Variants in FRMPD4 observed in about 807,000 individuals in gnomAD.
FRMPD4 encodes the protein FERM and PDZ domain-containing protein 4.
FRMPD4 carries 22 observed loss-of-function variants against 94.1 expected under a neutral mutation model. The ratio of observed to expected loss-of-function variants is 0.23; its 90% CI spans 0.17 to 0.33. FRMPD4 has a LOEUF of 0.33. FRMPD4 is among the 10% of genes least tolerant of loss of function. The probability of loss-of-function intolerance (pLI) is 1.00; values close to 1 mark genes in which losing one functional copy is unlikely to be tolerated. For synonymous variants in FRMPD4, 631 were observed against 548.6 expected, an observed-to-expected ratio of 1.15 and a Z score of -2.10; for missense variants, 1,111 against 1,339.9, an observed-to-expected ratio of 0.83 and a Z score of 2.67.
At position 12,061,737 on chromosome X, in the gene FRMPD4, T is replaced by G. The variant is rs756532851; in HGVS notation, c.95+183719T>G. ...GAATAAATATGATTATAGGGGTATT[T>G]GCTTTTTAAAATCCATTTTAAAATA... is the stretch of plus-strand genomic sequence containing the variant. On this transcript the variant is annotated intron_variant, in intron 3 of 18. Transcript: ENST00000640291. Among the ~76,000 whole-genome samples the G allele has an allele frequency of 9.8e-5, 11 of 112,292 alleles. No homozygotes were observed. In the South Asian group the frequency reaches 4.1e-3, roughly 41 times the overall value.
intron 1 of FRMPD4, among the ~76,000 whole-genome samples, chrX:12,452,406 T>C (rs1303956954): frequency 8.9e-6 from 1 of 111,750 alleles, no homozygotes; most frequent in Non-Finnish European, 1.9e-5. Flanking sequence ...TGACATCTTT[T>C]TTTCCCAACA....
chrX:12,120,933 G>T (rs894798614), intron 3 of FRMPD4, among the ~76,000 whole-genome samples: 1 of 109,702 alleles, frequency 9.1e-6, no homozygotes, highest in African/African-American at 3.3e-5. Flanking sequence ...TGAATCCTGG[G>T]AGTCCTTTAA....
At chrX:12,470,409 C>T (rs2057497178) in intron 1 of FRMPD4, among the ~76,000 whole-genome samples, 1 of 111,810 alleles carries the variant, frequency 8.9e-6, no homozygotes, top group Admixed American at 9.5e-5. Flanking sequence ...GTATTTAAGA[C>T]CCAAATTTTA....
chrX:12,618,914 C>A, intron 4 of FRMPD4, among the ~76,000 whole-genome samples: 1 of 111,753 alleles, frequency 8.9e-6, no homozygotes, highest in Non-Finnish European at 1.9e-5. Context: ...GGGCAGCAGA[C>A]TCTAAGAATG....
In FRMPD4 at chrX:12,071,898, G is replaced by A. The variant is rs1486048035; in HGVS notation, c.95+193880G>A. ...AATGCACTTCCATGAACACTTTCTG[G>A]CCCCAGGAAACCTCAAACTTCCCTA... is the stretch of plus-strand genomic sequence containing the variant. On this transcript the variant is annotated intron_variant, in intron 3 of 18. Coordinates refer to the FRMPD4 transcript ENST00000640291. Among the ~76,000 whole-genome samples the A allele has an allele frequency of 4.5e-5, 5 of 111,603 alleles. No individual in the cohort carries two copies. The East Asian group carries it at 8.4e-4, about 19-fold the overall frequency.
rs754470820 is a variant in FRMPD4, at chrX:12,694,416, A to C, written c.895A>C (p.Arg299=). 3 of 1,197,254 alleles carry C rather than the reference A, an allele frequency of 2.5e-6. No individual in the cohort carries two copies. The East Asian group carries it at 8.9e-5, about 35-fold the overall frequency. ...CCCAAAAGATCCAATTGACCTTTTAAGGAGAGATCCAGTTGCTTTCGAGTA... is the reference window on the plus strand; with the variant it reads ...CCCAAAAGATCCAATTGACCTTTTACGGAGAGATCCAGTTGCTTTCGAGTA... The part of the protein sequence containing the change: ...FVPKDPIDLL[R]RDPVAFEYLY... Residue 299 remains arginine, a synonymous_variant, in exon 9 of 17, where the codon AGG becomes CGG. Transcript: ENST00000675598.
intron 1 of FRMPD4, among the ~76,000 whole-genome samples, chrX:12,413,436 A>G (rs749350272): frequency 1.8e-5 from 2 of 112,306 alleles, no homozygotes; most frequent in East Asian, 2.8e-4. Context: ...GACAAATATT[A>G]ACATCAACCC....
chrX:12,493,854 A>G (rs1016931139), intron 1 of FRMPD4, among the ~76,000 whole-genome samples: 1 of 112,391 alleles, frequency 8.9e-6, no homozygotes, highest in African/African-American at 3.2e-5. Context: ...GTACCATTTG[A>G]TGAGACTATT....
At chrX:11,837,275 A>T (rs1449256509) in intron 1 of FRMPD4, among the ~76,000 whole-genome samples, 2 of 111,751 alleles carry the variant, frequency 1.8e-5, no homozygotes, top group Non-Finnish European at 3.8e-5. Context: ...AAAGAATTGT[A>T]TTTCAGTACA....
chrX:12,525,189 T>C (rs1400287955), intron 2 of FRMPD4, among the ~76,000 whole-genome samples: 1 of 110,855 alleles, frequency 9.0e-6, no homozygotes, highest in Non-Finnish European at 1.9e-5. Context: ...AAAGTTCTGA[T>C]ACCAAAGACT....
intron 1 of FRMPD4, among the ~76,000 whole-genome samples, chrX:12,424,504 C>T (rs1279214664): frequency 8.9e-6 from 1 of 112,474 alleles, no homozygotes; most frequent in Non-Finnish European, 1.9e-5. Flanking sequence ...ATCTCTAGAG[C>T]AGTGCTTATC....
intron 1 of FRMPD4, among the ~76,000 whole-genome samples, chrX:12,290,430 T>C (rs1442825860): frequency 3.6e-5 from 4 of 112,530 alleles, no homozygotes; most frequent in African/African-American, 1.3e-4. Context: ...CCTCTGTCAC[T>C]TGGGATTTAA....
chrX:11,837,401 T>C (rs762719450), intron 1 of FRMPD4, among the ~76,000 whole-genome samples: 2 of 111,711 alleles, frequency 1.8e-5, no homozygotes, highest in South Asian at 7.4e-4. Context: ...ATTCAGTTTT[T>C]CCAAAAGCTG....
intron 1 of FRMPD4, among the ~76,000 whole-genome samples, chrX:12,332,929 G>A (rs1174083896): frequency 1.8e-5 from 2 of 111,719 alleles, no homozygotes; most frequent in Non-Finnish European, 3.8e-5. Flanking sequence ...TAAGCTCCCT[G>A]TTTTATATGG....
chrX:11,998,187 C>T (rs189981119), intron 3 of FRMPD4, among the ~76,000 whole-genome samples: 254 of 111,803 alleles, frequency 2.3e-3, no homozygotes, highest in Non-Finnish European at 2.9e-3. Context: ...TGCAAGGCCG[C>T]AATCAATGTT....
At chrX:12,474,448 A>C (rs1224474029) in intron 1 of FRMPD4, among the ~76,000 whole-genome samples, 2 of 111,675 alleles carry the variant, frequency 1.8e-5, no homozygotes, top group Non-Finnish European at 3.8e-5. Context: ...GAAGGCAAGA[A>C]ATAACTAAGA....
chrX:12,211,511 T>C lies in FRMPD4; in HGVS notation c.41+72499T>C, dbSNP rs894825731. Among the ~76,000 whole-genome samples the C allele has an allele frequency of 2.0e-4, 22 of 112,296 alleles. 1 individual carries two copies. The highest frequency in any genetic ancestry group is 6.8e-4 in the African/African-American group (21 of 30,965). ...CAAAAATCCTAGTTTTTCATGTGTTTTGAAGTTCAGTATGGAAATCTTATT... is the reference window on the plus strand; with the variant it reads ...CAAAAATCCTAGTTTTTCATGTGTTCTGAAGTTCAGTATGGAAATCTTATT... On this transcript the variant is annotated intron_variant, in intron 1 of 16. Transcript: ENST00000675598.
intron 1 of FRMPD4, among the ~76,000 whole-genome samples, chrX:11,849,622 A>G (rs900438558): frequency 9.0e-6 from 1 of 110,534 alleles, no homozygotes; most frequent in Non-Finnish European, 1.9e-5. Context: ...CTCACATAAC[A>G]TGGTCAAATG....
chrX:11,951,509 C>T (rs369900139), intron 3 of FRMPD4, among the ~76,000 whole-genome samples: 9 of 111,860 alleles, frequency 8.0e-5, no homozygotes, highest in East Asian at 5.5e-4. Flanking sequence ...CCAAATATCA[C>T]ATATTCTCAC....
Sources: gnomAD v4.1 joint callset for allele counts (sites outside exome capture counted in the v4.1 genomes callset) on GRCh38, gnomAD v4.1.1 for gene constraint, MANE v1.5 for transcripts, NCBI Gene and HGNC (gene_info 2026-07-23, HGNC 2026-07-21) for gene names.